VRK3: variants seen among roughly 807,000 people sequenced by gnomAD.
VRK3 encodes serine/threonine-protein kinase VRK3.
VRK3 carries 50 observed loss-of-function variants against 60.4 expected under a neutral mutation model. That is an observed-to-expected ratio of 0.83 (90% CI 0.66 to 1.05). VRK3 has a LOEUF of 1.05. Among genes scored for constraint, VRK3 ranks in the 50% least tolerant of loss-of-function variants. The pLI is 0.00. For missense variants in VRK3, 549 were observed against 585.3 expected, an observed-to-expected ratio of 0.94 and a Z score of 0.64; for synonymous variants, 246 against 227.8, an observed-to-expected ratio of 1.08 and a Z score of -0.72.
intron 1 of VRK3, among the ~76,000 whole-genome samples, chr19:50,024,499 T>C (rs902459944): frequency 7.9e-5 from 12 of 152,244 alleles, no homozygotes; most frequent in Non-Finnish European, 1.5e-4. Context: ...ACTGCAGACC[T>C]GTAAATATTC....
intron 2 of VRK3, among the ~76,000 whole-genome samples, chr19:50,018,251 T>C (rs1430988916): frequency 6.6e-6 from 1 of 152,268 alleles, no homozygotes; most frequent in Non-Finnish European, 1.5e-5. Flanking sequence ...AGAAAGCCTT[T>C]TATGTTAGTG....
At position 49,980,973 on chromosome 19, in the gene VRK3, G is replaced by C. The variant is rs1057277051; in HGVS notation, c.1258C>G (p.His420Asp). 4.3e-6 allele frequency: 7 copies of C among 1,611,766 alleles called. No homozygotes were observed. The African/African-American group carries it at 8.0e-5, about 18-fold the overall frequency. Residue 420 changes from histidine to aspartate, a missense_variant, in exon 13 of 15, where the codon CAC becomes GAC. His to Asp is a moderately conservative substitution (Grantham distance 81). Coordinates refer to ENST00000316763, the MANE Select transcript of VRK3 (RefSeq NM_016440.4). Reference sequence around the variant, plus strand: ...GACGTACCTGAGGGCCTGATCCAGTGACCGCAGGGTCCCACGAAGGGCCCC... The same window carrying C: ...GACGTACCTGAGGGCCTGATCCAGTCACCGCAGGGTCCCACGAAGGGCCCC... ...KPGPFVGPCG[H>D]WIRPSETLQK...
chr19:50,004,172 C>T (rs2076855882), intron 5 of VRK3, among the ~76,000 whole-genome samples: 1 of 152,156 alleles, frequency 6.6e-6, no homozygotes, highest in Non-Finnish European at 1.5e-5. Flanking sequence ...CAGAGTAGCT[C>T]CTCCTGTGCT....
chr19:49,997,622 G>C, intron 6 of VRK3, 52 bp from the exon 7 acceptor site: 5 of 1,603,116 alleles, frequency 3.1e-6, no homozygotes, highest in Non-Finnish European at 3.4e-6. Context: ...TCTCAGATAA[G>C]GGCCCCCAGT....
intron 1 of VRK3, among the ~76,000 whole-genome samples, chr19:50,021,101 G>A (rs2077164185): frequency 6.6e-6 from 1 of 152,210 alleles, no homozygotes; most frequent in South Asian, 2.1e-4. Context: ...CTGGGAAGGA[G>A]TCCTCAGGCA....
At chr19:50,024,400 T>C (rs2077228015) in intron 1 of VRK3, among the ~76,000 whole-genome samples, 1 of 152,130 alleles carries the variant, frequency 6.6e-6, no homozygotes, top group Non-Finnish European at 1.5e-5. Flanking sequence ...CAAAGCCAGG[T>C]GAGGTTGGCC....
In VRK3 at chr19:49,997,464, C is replaced by T. The variant is rs376204177; in HGVS notation, c.679+40G>A. The stretch of plus-strand genomic sequence containing the variant: ...AAGTGCTGTGACCAAGTTGGCGCCC[C>T]CCTCACTCTCCCCTCCTTGCCCAGT... On this transcript the variant is annotated intron_variant, in intron 7 of 14. Transcript: ENST00000316763. 2.2e-5 allele frequency: 36 copies of T among 1,608,880 alleles called. No homozygotes were observed. The African/African-American group carries it at 4.0e-4, about 18-fold the overall frequency.
In VRK3 at chr19:50,016,221, G is replaced by A. The variant is rs1424813740; in HGVS notation, c.-1-58C>T. On this transcript the variant is annotated intron_variant, in intron 2 of 14. Coordinates refer to ENST00000316763, the MANE Select transcript of VRK3 (RefSeq NM_016440.4). ...ACGGGCCAGCTGAAGGTCAGTGGAA[G>A]TATTGTTGAACTGCTCTTAATCACA... is the stretch of plus-strand genomic sequence containing the variant. 17 of 1,602,970 alleles carry A rather than the reference G, an allele frequency of 1.1e-5. No homozygotes were observed. The Admixed American group carries it at 2.7e-4, about 25-fold the overall frequency.
intron 13 of VRK3, among the ~76,000 whole-genome samples, chr19:49,980,115 G>A (rs902053142): frequency 6.6e-6 from 1 of 152,030 alleles, no homozygotes; most frequent in Non-Finnish European, 1.5e-5. Flanking sequence ...GAGAGCCAGA[G>A]GGAACAAGCT....
intron 3 of VRK3, among the ~76,000 whole-genome samples, chr19:50,013,059 C>T (rs903546661): frequency 7.3e-5 from 11 of 150,614 alleles, no homozygotes; most frequent in Admixed American, 1.3e-4. Flanking sequence ...CCCAGCTACT[C>T]GGGAGGCTAA....
chr19:49,986,701 G>A (rs2076522472), intron 12 of VRK3: 1 of 152,346 alleles, frequency 6.6e-6, no homozygotes, highest in African/African-American at 2.4e-5. Context: ...TAAGGACAGG[G>A]AAACATGAGG....
At position 50,005,021 on chromosome 19, in the gene VRK3, T is replaced by C. The variant is rs1036920935; in HGVS notation, c.547+2548A>G. On this transcript the variant is annotated intron_variant, in intron 5 of 14. Coordinates refer to ENST00000316763, the MANE Select transcript of VRK3 (RefSeq NM_016440.4). Reference sequence around the variant, plus strand: ...CACTCTTTCCCCTCTCCCTCACCTTTCCTGGCCCTGCCTATCTGTCCCTCT... The same window carrying C: ...CACTCTTTCCCCTCTCCCTCACCTTCCCTGGCCCTGCCTATCTGTCCCTCT... 2.2e-4 allele frequency among the ~76,000 whole-genome samples: 33 copies of C among 148,624 alleles called. 2 individuals are homozygous for C. Among genetic ancestry groups the C allele is most frequent in the Non-Finnish European group, 3.5e-4 (24 of 68,012 alleles).
At chr19:50,017,007 T>C (rs555025053) in intron 2 of VRK3, among the ~76,000 whole-genome samples, 7 of 143,504 alleles carry the variant, frequency 4.9e-5, no homozygotes, top group Non-Finnish European at 1.0e-4. Flanking sequence ...CTGTCCAACA[T>C]GGTGAAACCC....
intron 5 of VRK3, 107 bp downstream of exon 5, chr19:50,007,462 C>CT: frequency 1.3e-6 from 2 of 1,534,668 alleles, no homozygotes; most frequent in Non-Finnish European, 1.8e-6. Context: ...AGCGACAGGT[C>CT]TGCAGCTAGG....
chr19:49,979,267 A>AG, intron 13 of VRK3, 25 bp from the exon 14 acceptor site: 2 of 1,613,852 alleles, frequency 1.2e-6, no homozygotes, highest in Non-Finnish European at 8.5e-7. Context: ...ACCCCCAGCA[A>AG]GGGAGAGCCT....
At chr19:49,981,928 G>A in intron 12 of VRK3, 1 of 764,960 alleles carries the variant, frequency 1.3e-6, no homozygotes, top group Non-Finnish European at 2.0e-6. Flanking sequence ...AGGAGGTCAT[G>A]CTGTGCCTGA....
At chr19:49,983,191 A>C (rs1259474015) in intron 12 of VRK3, among the ~76,000 whole-genome samples, 24 of 63,564 alleles carry the variant, frequency 3.8e-4, no homozygotes, top group South Asian at 1.1e-3. Flanking sequence ...CCATCTCCCC[A>C]CTCCTTCCTC....
At chr19:50,021,484 G>C (rs181781567) in intron 1 of VRK3, among the ~76,000 whole-genome samples, 2 of 152,194 alleles carry the variant, frequency 1.3e-5, no homozygotes, top group Non-Finnish European at 2.9e-5. Flanking sequence ...CCCAGGCAGA[G>C]AAACCACATG....
intron 1 of VRK3, among the ~76,000 whole-genome samples, chr19:50,022,485 T>C (rs2077186795): frequency 6.6e-6 from 1 of 151,992 alleles, no homozygotes. Flanking sequence ...TCTGTGTCCC[T>C]GCCCTGGCCC....
Sources: gnomAD v4.1 joint callset for allele counts (sites outside exome capture counted in the v4.1 genomes callset) on GRCh38, gnomAD v4.1.1 for gene constraint, MANE v1.5 for transcripts, NCBI Gene and HGNC (gene_info 2026-07-23, HGNC 2026-07-21) for gene names.